DMD: variants seen among roughly 807,000 people sequenced by gnomAD.
DMD encodes the protein mutant dystrophin.
Under a neutral mutation model 330.1 loss-of-function variants are expected in DMD, and 63 were observed. That is an observed-to-expected ratio of 0.19 (90% CI 0.16 to 0.24). DMD has a LOEUF of 0.24. Among genes scored for constraint, DMD ranks in the 10% least tolerant of loss-of-function variants. DMD has a pLI of 1.00. For synonymous variants in DMD, 1,223 were observed against 959.8 expected (o/e 1.27, Z -5.07); for missense variants, 3,344 against 2,684.1 (o/e 1.25, Z -5.43).
chrX:32,879,229 G>T (rs746942497), intron 2 of DMD, among the ~76,000 whole-genome samples: 4 of 111,222 alleles, frequency 3.6e-5, no homozygotes, highest in Admixed American at 9.6e-5. Context: ...GGGCATTCAG[G>T]TAGAGATGGC....
Position 32,092,380 on chromosome X carries a change from T to C in DMD, c.6439-123866A>G, listed in dbSNP as rs182881834. ...CTTCAGACAAGGCCCCTTCTGGGTC[T>C]CTTTCTCTTTCAGTACCGCAGAGAA... On this transcript the variant is annotated intron_variant, in intron 44 of 78. Coordinates refer to ENST00000357033, the MANE Select transcript of DMD (RefSeq NM_004006.3). Among the ~76,000 whole-genome samples the C allele has an allele frequency of 2.7e-3, 306 of 112,086 alleles. 3 individuals carry two copies. Among genetic ancestry groups the C allele is most frequent in the African/African-American group, 8.6e-3 (266 of 30,916 alleles).
At chrX:33,036,892 C>T (rs759364125) in intron 1 of DMD, among the ~76,000 whole-genome samples, 4 of 110,504 alleles carry the variant, frequency 3.6e-5, no homozygotes, top group East Asian at 5.7e-4. Flanking sequence ...TAGAATCAGG[C>T]TCTCCCTGAA....
At chrX:32,333,842 A>G (rs2097692531) in intron 41 of DMD, among the ~76,000 whole-genome samples, 1 of 111,908 alleles carries the variant, frequency 8.9e-6, no homozygotes, top group Non-Finnish European at 1.9e-5. Context: ...ACTTCTTCCT[A>G]GCCATTAGGC....
chrX:32,441,960 T>C (rs1354962414), intron 27 of DMD, among the ~76,000 whole-genome samples: 1 of 110,889 alleles, frequency 9.0e-6, no homozygotes. Context: ...TTGAGGTATA[T>C]TATCGGAAAT....
chrX:32,906,681 G>A (rs1376518244), intron 2 of DMD, among the ~76,000 whole-genome samples: 1 of 111,489 alleles, frequency 9.0e-6, no homozygotes, highest in Non-Finnish European at 1.9e-5. Context: ...GAAGAGGTGA[G>A]ATGATTTAAT....
rs190658718 is a variant in DMD, at chrX:32,776,897, G to A, written c.649+32596C>T. ...TCCAACCAAAAATATGCTTGTGCAT[G>A]AAAGCTGATGTTTTATGGTTACAAA... is the stretch of plus-strand genomic sequence containing the variant. On this transcript the variant is annotated intron_variant, in intron 7 of 78. Coordinates refer to ENST00000357033, the MANE Select transcript of DMD (RefSeq NM_004006.3). Among the ~76,000 whole-genome samples, 5 of 111,643 alleles carry A rather than the reference G, an allele frequency of 4.5e-5. No homozygotes were observed. In the East Asian group the frequency reaches 1.4e-3, roughly 32 times the overall value.
chrX:32,631,572 T>G (rs1013844976), intron 11 of DMD, among the ~76,000 whole-genome samples: 1 of 111,847 alleles, frequency 8.9e-6, no homozygotes, highest in Admixed American at 9.5e-5. Context: ...TTCTGCAGGT[T>G]GTCCCTGAGA....
chrX:31,457,279 C>T (rs1036950195), intron 59 of DMD, among the ~76,000 whole-genome samples: 2 of 111,129 alleles, frequency 1.8e-5, no homozygotes, highest in Admixed American at 1.9e-4. Context: ...AAATTATTTG[C>T]AAAATAATTT....
At chrX:32,672,868 G>A (rs1266712546) in intron 9 of DMD, among the ~76,000 whole-genome samples, 8 of 110,946 alleles carry the variant, frequency 7.2e-5, no homozygotes, top group Non-Finnish European at 1.1e-4. Context: ...GAGCTGCAGT[G>A]TGATGACAAT....
intron 55 of DMD, among the ~76,000 whole-genome samples, chrX:31,601,160 AT>A (rs1163177178): frequency 8.9e-6 from 1 of 112,216 alleles, no homozygotes; most frequent in African/African-American, 3.2e-5. Flanking sequence ...ACCGATGTTG[AT>A]TGCTATCATT....
At chrX:33,247,278 A>C (rs2052682257) in intron 1 of DMD, among the ~76,000 whole-genome samples, 1 of 111,732 alleles carries the variant, frequency 8.9e-6, no homozygotes, top group Non-Finnish European at 1.9e-5. Flanking sequence ...ATTACAATGT[A>C]ACAGATAACC....
chrX:31,120,606 G>C lies in DMD; in HGVS notation c.*1313C>G, dbSNP rs750283076. 8.9e-6 allele frequency: 1 copy of C among 111,775 alleles called. No individual in the cohort carries two copies. Among genetic ancestry groups the C allele is most frequent in the South Asian group, 3.7e-4 (1 of 2,675 alleles). The allele number at this position is 111,775 out of a possible 1,213,427, so 9.2% of individuals were successfully genotyped here. The stretch of plus-strand genomic sequence containing the variant: ...CAGTTCCTTTTGACTGTGAGAAGAG[G>C]GCATAATAATTTAGTTGTAATTACA... On this transcript the variant is annotated 3_prime_UTR_variant, in exon 79 of 79. Coordinates refer to ENST00000357033, the MANE Select transcript of DMD (RefSeq NM_004006.3).
At chrX:33,293,861 C>T (rs1408538197) in intron 1 of DMD, among the ~76,000 whole-genome samples, 1 of 111,047 alleles carries the variant, frequency 9.0e-6, no homozygotes, top group East Asian at 2.9e-4. Context: ...TTCTCAGCAC[C>T]GTTTGTTTAA....
At chrX:31,808,663 A>T (rs1272006742) in intron 50 of DMD, among the ~76,000 whole-genome samples, 21 of 111,372 alleles carry the variant, frequency 1.9e-4, no homozygotes, top group Non-Finnish European at 4.0e-4. Flanking sequence ...GGAAAAAATA[A>T]AACTTCTTGT....
intron 45 of DMD, among the ~76,000 whole-genome samples, chrX:31,964,712 ACT>A (rs1462436125): frequency 5.5e-5 from 6 of 109,770 alleles, no homozygotes; most frequent in Admixed American, 9.8e-5. Flanking sequence ...ACAATTGTTG[ACT>A]CTAAGAATTT....
intron 59 of DMD, among the ~76,000 whole-genome samples, chrX:31,465,243 A>G (rs996585720): frequency 9.0e-6 from 1 of 111,100 alleles, no homozygotes; most frequent in African/African-American, 3.3e-5. Flanking sequence ...TCTGGGATAC[A>G]TGTGCAGAAC....
chrX:32,539,172 CTTTTTT>C (rs71980872), intron 17 of DMD, among the ~76,000 whole-genome samples: 2 of 95,458 alleles, frequency 2.1e-5, no homozygotes, highest in Non-Finnish European at 4.2e-5. Context: ...ATTTCTATTT[CTTTTTT>C]TTTTTTTTTT....
chrX:31,250,113 A>T (rs1569502489), intron 63 of DMD, among the ~76,000 whole-genome samples: 1 of 111,563 alleles, frequency 9.0e-6, no homozygotes, highest in Non-Finnish European at 1.9e-5. Flanking sequence ...TCATAAAGTG[A>T]CAATAGGAAA....
At chrX:32,651,884 A>T (rs1345624036) in intron 9 of DMD, among the ~76,000 whole-genome samples, 6 of 112,302 alleles carry the variant, frequency 5.3e-5, no homozygotes, top group African/African-American at 1.9e-4. Context: ...TTTCTAAAAG[A>T]AGGCATGTGT....
Sources: allele counts gnomAD v4.1 joint callset (sites outside exome capture counted in the v4.1 genomes callset), GRCh38; gene constraint gnomAD v4.1.1; transcripts MANE v1.5; gene names NCBI Gene and HGNC (gene_info 2026-07-23, HGNC 2026-07-21).